The following ZC3H12B variants were observed in gnomAD, a reference collection of about 807,000 sequenced individuals.
ZC3H12B encodes probable ribonuclease ZC3H12B.
A neutral mutation model predicts 43.9 loss-of-function variants in ZC3H12B; 7 were observed. The ratio of observed to expected loss-of-function variants is 0.16; its 90% CI spans 0.09 to 0.30. The LOEUF (loss-of-function observed/expected upper bound fraction) is 0.30, where lower values mean the gene tolerates loss of function less well. Among genes scored for constraint, ZC3H12B ranks in the 10% least tolerant of loss-of-function variants. The pLI is 1.00. For synonymous variants in ZC3H12B, 222 were observed against 241.7 expected (o/e 0.92, Z 0.76); for missense variants, 475 against 670.2 (o/e 0.71, Z 3.22).
chrX:65,426,510 T>C (rs1260847716), intron 3 of ZC3H12B, among the ~76,000 whole-genome samples: 1 of 109,781 alleles, frequency 9.1e-6, no homozygotes, highest in Admixed American at 9.8e-5. Context: ...TGTCTCCTGC[T>C]AGCTTTGGGG....
intron 2 of ZC3H12B, among the ~76,000 whole-genome samples, chrX:65,376,617 A>G (rs1201317066): frequency 1.8e-5 from 2 of 111,890 alleles, no homozygotes; most frequent in African/African-American, 3.3e-5. Context: ...AAAGAAAACA[A>G]GCGTTTCTGC....
chrX:65,211,088 GAA>G, the ZC3H12B span, among the ~76,000 whole-genome samples: 10 of 63,355 alleles, frequency 1.6e-4, no homozygotes, highest in Admixed American at 3.7e-4. Context: ...AAAAAAGAAA[GAA>G]AAAAAAAAAA....
At chrX:65,353,494 G>A in the ZC3H12B span, among the ~76,000 whole-genome samples, 6 of 112,124 alleles carry the variant, frequency 5.4e-5, no homozygotes, top group South Asian at 3.7e-4. Context: ...AACCAAGATA[G>A]CAAGGCTCTT....
the ZC3H12B span, among the ~76,000 whole-genome samples, chrX:65,194,532 A>G: frequency 4.5e-5 from 5 of 112,044 alleles, no homozygotes; most frequent in Non-Finnish European, 9.4e-5. Flanking sequence ...TTGTGGTCAC[A>G]TAAGATAGTT....
the ZC3H12B span, among the ~76,000 whole-genome samples, chrX:65,157,588 A>G: frequency 9.0e-6 from 1 of 111,200 alleles, no homozygotes; most frequent in Admixed American, 9.6e-5. Flanking sequence ...TTCTCTCTAT[A>G]TTACTATGTT....
chrX:65,222,200 T>A, the ZC3H12B span, among the ~76,000 whole-genome samples: 1 of 111,531 alleles, frequency 9.0e-6, no homozygotes, highest in Non-Finnish European at 1.9e-5. Flanking sequence ...GGGCATACCT[T>A]ATTGTAATAA....
chrX:65,139,826 C>T, the ZC3H12B span, among the ~76,000 whole-genome samples: 2 of 111,251 alleles, frequency 1.8e-5, no homozygotes, highest in African/African-American at 6.5e-5. Flanking sequence ...TATTCCTAAG[C>T]ATTTTACTTT....
At chrX:65,290,858 T>C in the ZC3H12B span, among the ~76,000 whole-genome samples, 1 of 109,968 alleles carries the variant, frequency 9.1e-6, no homozygotes, top group Non-Finnish European at 1.9e-5. Flanking sequence ...GAAAGGTGAA[T>C]GGGGGGATAT....
At chrX:65,443,659 T>A (rs1248712196) in intron 3 of ZC3H12B, among the ~76,000 whole-genome samples, 1 of 112,816 alleles carries the variant, frequency 8.9e-6, no homozygotes, top group African/African-American at 3.2e-5. Context: ...TGTTTGTGGT[T>A]TAAGAATGCC....
intron 3 of ZC3H12B, among the ~76,000 whole-genome samples, chrX:65,463,169 A>G (rs1056736524): frequency 8.9e-6 from 1 of 111,920 alleles, no homozygotes; most frequent in East Asian, 2.8e-4. Flanking sequence ...CTTGAGTACT[A>G]TGCTCACTAC....
At chrX:65,455,552 T>C (rs1374204395) in intron 3 of ZC3H12B, among the ~76,000 whole-genome samples, 6 of 112,287 alleles carry the variant, frequency 5.3e-5, no homozygotes, top group Admixed American at 2.8e-4. Flanking sequence ...GAAAACACTC[T>C]GCAGGATATT....
chrX:65,172,812 G>T, the ZC3H12B span, among the ~76,000 whole-genome samples: 2 of 112,108 alleles, frequency 1.8e-5, no homozygotes, highest in African/African-American at 3.2e-5. Flanking sequence ...GTAGCATGCT[G>T]TTTTTATTAC....
chrX:65,085,396 T>G, the ZC3H12B span, among the ~76,000 whole-genome samples: 1 of 111,148 alleles, frequency 9.0e-6, no homozygotes, highest in Non-Finnish European at 1.9e-5. Context: ...ATACCTACTA[T>G]GTACTCACAA....
chrX:65,370,194 C>T (rs1388310382), intron 2 of ZC3H12B, among the ~76,000 whole-genome samples: 1 of 112,366 alleles, frequency 8.9e-6, no homozygotes, highest in East Asian at 2.8e-4. Context: ...TTCCACATGG[C>T]ATTTATTAAT....
chrX:65,321,582 A>T, the ZC3H12B span, among the ~76,000 whole-genome samples: 71 of 111,229 alleles, frequency 6.4e-4, no homozygotes, highest in African/African-American at 2.0e-3. Context: ...TAATTCTGTT[A>T]TAAAGACACA....
At chrX:65,448,987 A>AAGAAAGAAAGAAAGAAAGAAAG (rs1214912058) in intron 3 of ZC3H12B, among the ~76,000 whole-genome samples, 7 of 103,115 alleles carry the variant, frequency 6.8e-5, no homozygotes, top group African/African-American at 2.6e-4. Context: ...AAGAGAAAGA[A>AAGAAAGAAAGAAAGAAAGAAAG]AGAAAGAGAG....
chrX:65,091,337 A>G, the ZC3H12B span, among the ~76,000 whole-genome samples: 172 of 111,346 alleles, frequency 1.5e-3, 2 homozygotes, highest in Non-Finnish European at 4.5e-4. Context: ...GTGTGGCCCT[A>G]TTGACACGTT....
At chrX:65,415,215 G>A (rs751082065) in intron 3 of ZC3H12B, among the ~76,000 whole-genome samples, 18 of 112,517 alleles carry the variant, frequency 1.6e-4, no homozygotes, top group Admixed American at 5.6e-4. Flanking sequence ...ATAAGGGATT[G>A]TGAAGACAAA....
chrX:65,401,594 C>A (rs2066763065), intron 3 of ZC3H12B, among the ~76,000 whole-genome samples: 1 of 111,902 alleles, frequency 8.9e-6, no homozygotes, highest in African/African-American at 3.2e-5. Flanking sequence ...TACTGAAACA[C>A]CAGCCAGCAC....
Sources: allele counts gnomAD v4.1 joint callset (sites outside exome capture counted in the v4.1 genomes callset), GRCh38; gene constraint gnomAD v4.1.1; transcripts MANE v1.5; gene names NCBI Gene and HGNC (gene_info 2026-07-23, HGNC 2026-07-21).